TLCD4: variants seen among roughly 807,000 people sequenced by gnomAD.
TLCD4 encodes the protein TLC domain-containing protein 4.
TLCD4 carries 7 observed loss-of-function variants against 24.2 expected under a neutral mutation model. The observed-to-expected ratio is 0.29, with a 90% CI of 0.16 to 0.54. The LOEUF (loss-of-function observed/expected upper bound fraction) is 0.54, where lower values mean the gene tolerates loss of function less well. Among genes scored for constraint, TLCD4 ranks in the 20% least tolerant of loss-of-function variants. The probability of loss-of-function intolerance (pLI) is 0.95; values close to 1 mark genes in which losing one functional copy is unlikely to be tolerated. For synonymous variants in TLCD4, 103 were observed against 106.4 expected (o/e 0.97, Z 0.20); for missense variants, 259 against 313.9 (o/e 0.82, Z 1.32).
chr1:95,093,699 T>C, the TLCD4 span, among the ~76,000 whole-genome samples: 3 of 152,252 alleles, frequency 2.0e-5, no homozygotes, highest in African/African-American at 7.2e-5. Flanking sequence ...ATTACCTGCA[T>C]ATTGACAATT....
chr1:95,150,341 T>C lies in TLCD4; in HGVS notation c.304+75T>C. ...AATTATACAAAGAATATATAGTCTATGCTTTTGGTTTATTTGAGAGATAGC... is the reference window on the plus strand; with the variant it reads ...AATTATACAAAGAATATATAGTCTACGCTTTTGGTTTATTTGAGAGATAGC... On this transcript the variant is annotated intron_variant, in intron 4 of 6. Coordinates refer to ENST00000370203, the MANE Select transcript of TLCD4 (RefSeq NM_152487.3). The C allele has an allele frequency of 3.2e-6, 5 of 1,548,916 alleles. No homozygotes were observed. In the South Asian group the frequency reaches 5.0e-5, roughly 16 times the overall value.
chr1:95,163,586 ATT>A (rs1677905980), intron 5 of TLCD4: 1 of 152,070 alleles, frequency 6.6e-6, no homozygotes, highest in African/African-American at 2.4e-5. Context: ...AGGTGCTCTG[ATT>A]TTTAGAATTT....
intron 6 of TLCD4, 196 bp downstream of exon 6, chr1:95,174,085 A>ACCACCACTTGCTAGCT: frequency 4.1e-6 from 3 of 724,880 alleles, no homozygotes; most frequent in Non-Finnish European, 4.4e-6. Flanking sequence ...CCTAGCTAGC[A>ACCACCACTTGCTAGCT]AGTGGTGGTG....
intron 6 of TLCD4, among the ~76,000 whole-genome samples, chr1:95,186,205 G>A (rs2101017751): frequency 6.6e-6 from 1 of 152,322 alleles, no homozygotes; most frequent in East Asian, 1.9e-4. Context: ...CCCATTTATA[G>A]AGATAGAACA....
chr1:95,150,536 C>G (rs1036483871), intron 4 of TLCD4, among the ~76,000 whole-genome samples: 3 of 152,094 alleles, frequency 2.0e-5, no homozygotes, highest in Non-Finnish European at 4.4e-5. Flanking sequence ...CCCTCTTTGT[C>G]CTAATGAGGC....
chr1:95,160,387 C>T (rs1677755876), intron 5 of TLCD4, among the ~76,000 whole-genome samples: 1 of 152,196 alleles, frequency 6.6e-6, no homozygotes, highest in Non-Finnish European at 1.5e-5. Context: ...AGTTGCTTAT[C>T]AGCTTAAGGA....
intron 5 of TLCD4, among the ~76,000 whole-genome samples, chr1:95,173,173 G>A (rs1166518903): frequency 2.0e-5 from 3 of 152,180 alleles, no homozygotes; most frequent in African/African-American, 7.2e-5. Context: ...ACAGGCTTAT[G>A]TATTGTTATT....
At chr1:95,134,785 C>CAG (rs1297114630) in intron 1 of TLCD4, among the ~76,000 whole-genome samples, 1 of 152,154 alleles carries the variant, frequency 6.6e-6, no homozygotes, top group Non-Finnish European at 1.5e-5. Flanking sequence ...ACAACAGGCC[C>CAG]AGAGATTGTA....
At chr1:95,164,264 A>G (rs1677936226) in intron 5 of TLCD4, 2 of 153,286 alleles carry the variant, frequency 1.3e-5, no homozygotes, top group Non-Finnish European at 2.9e-5. Context: ...TGTGCTAGCA[A>G]TGAGCGAGGC....
intron 2 of TLCD4, among the ~76,000 whole-genome samples, chr1:95,146,729 A>T (rs1677361073): frequency 6.6e-6 from 1 of 152,168 alleles, no homozygotes; most frequent in Non-Finnish European, 1.5e-5. Flanking sequence ...GAGTGAGGGC[A>T]GGGTATTTGT....
intron 2 of TLCD4, among the ~76,000 whole-genome samples, chr1:95,144,595 GT>G (rs199622981): frequency 0.071 from 10,412 of 145,850 alleles, 458 homozygotes; most frequent in South Asian, 0.11. Context: ...TTTCTTTTTA[GT>G]TTTTTTTTTT....
At chr1:95,117,723 C>T (rs1188763405) in intron 1 of TLCD4, 106 bp downstream of exon 1, 1 of 151,360 alleles carries the variant, frequency 6.6e-6, no homozygotes, top group Admixed American at 6.6e-5. Flanking sequence ...GGTGCCGCGG[C>T]TTCCCGCCCC....
intron 6 of TLCD4, among the ~76,000 whole-genome samples, chr1:95,177,000 T>C (rs1370433737): frequency 3.9e-5 from 6 of 152,204 alleles, no homozygotes; most frequent in African/African-American, 1.4e-4. Flanking sequence ...TAATTCCAGA[T>C]ACACCTTCTC....
chr1:95,110,094 C>CA, the TLCD4 span, among the ~76,000 whole-genome samples: 4 of 146,816 alleles, frequency 2.7e-5, no homozygotes, highest in South Asian at 2.2e-4. Flanking sequence ...ATATGTATAC[C>CA]AAAAAAATCA....
rs770073267 is a variant in TLCD4 at position 95,144,001 on chromosome 1, G to C, written c.100G>C (p.Val34Leu). 5.7e-6 allele frequency: 9 copies of C among 1,570,516 alleles called. No homozygotes were observed. The highest frequency in any genetic ancestry group is 1.9e-5 in the Admixed American group (1 of 53,632). Residue 34 changes from valine (V) to leucine (L), a missense_variant, in exon 2 of 7, where the codon GTT becomes CTT. Transcript: ENST00000370203. ...TGTAAGTTACTGGTTTTCAGCAAAA[G>C]TTTCTCCAGGTTTCAATAGTCTCAG... ...YFVSYWFSAK[V>L]SPGFNSLSFK...
intron 4 of TLCD4, among the ~76,000 whole-genome samples, chr1:95,150,635 T>C (rs1571746176): frequency 6.6e-6 from 1 of 152,288 alleles, no homozygotes; most frequent in South Asian, 2.1e-4. Flanking sequence ...CCAGTAGTCA[T>C]GGTTTTGTGT....
rs192407924 is a variant in TLCD4 at position 95,181,627 on chromosome 1, C to T, written c.473+7738C>T. ...TATTTTTTTTTTTGAGATGGAGTCT[C>T]GCATTGTCACCTGGGCTGGAGTGCC... On this transcript the variant is annotated intron_variant, in intron 6 of 6. Transcript: ENST00000370203. Among the ~76,000 whole-genome samples, 169 of 135,364 alleles carry T rather than the reference C, an allele frequency of 1.2e-3. 2 individuals carry two copies. The South Asian group carries it at 0.016, about 13-fold the overall frequency. The allele number at this position is 135,364 out of a possible 152,430, so 88.8% of individuals were successfully genotyped here. A position where few individuals can be genotyped will look rare whatever the true frequency, so the allele number is the denominator to read the frequency against.
intron 1 of TLCD4, chr1:95,121,129 A>G (rs1326991756): frequency 2.0e-5 from 3 of 152,250 alleles, no homozygotes; most frequent in African/African-American, 7.2e-5. Flanking sequence ...ACTTACTTCA[A>G]AGCAAAATGA....
chr1:95,099,962 C>A, the TLCD4 span, among the ~76,000 whole-genome samples: 3 of 150,750 alleles, frequency 2.0e-5, no homozygotes, highest in South Asian at 4.2e-4. Context: ...TGAAACCCCC[C>A]CTCTACTAAA....
Sources: gnomAD v4.1 joint callset for allele counts (sites outside exome capture counted in the v4.1 genomes callset) on GRCh38, gnomAD v4.1.1 for gene constraint, MANE v1.5 for transcripts, NCBI Gene and HGNC (gene_info 2026-07-23, HGNC 2026-07-21) for gene names.